The following KLHL13 variants were observed in gnomAD, a reference collection of about 807,000 sequenced individuals.
KLHL13 encodes kelch-like protein 13.
In KLHL13, 10 loss-of-function variants were observed where a neutral mutation model predicts 37.1. That is an observed-to-expected ratio of 0.27 (90% confidence interval 0.17 to 0.46). KLHL13 has a LOEUF of 0.46. Among genes scored for constraint, KLHL13 ranks in the 20% least tolerant of loss-of-function variants. The pLI, the probability that KLHL13 is intolerant of heterozygous loss-of-function variation, is 1.00. For synonymous variants in KLHL13, 163 were observed against 181.2 expected, an observed-to-expected ratio of 0.90 and a Z score of 0.81; for missense variants, 360 against 509.3, an observed-to-expected ratio of 0.71 and a Z score of 2.82.
chrX:118,033,201 A>G, intron 1 of KLHL13, among the ~76,000 whole-genome samples: 1 of 111,426 alleles, frequency 9.0e-6, no homozygotes, highest in East Asian at 2.8e-4. Flanking sequence ...TCCCCAATCT[A>G]GCAAGGCAGG....
intron 1 of KLHL13, among the ~76,000 whole-genome samples, chrX:118,031,852 G>A (rs1471844429): frequency 9.2e-6 from 1 of 108,361 alleles, no homozygotes; most frequent in Non-Finnish European, 1.9e-5. Context: ...ACTAGGGAGT[G>A]CCAGTCAGTG....
chrX:118,026,857 C>T (rs1407701701), intron 1 of KLHL13, among the ~76,000 whole-genome samples: 1 of 111,753 alleles, frequency 8.9e-6, no homozygotes, highest in African/African-American at 3.2e-5. Context: ...CATAGATCAG[C>T]TGCAGACAAG....
chrX:118,029,042 AG>A (rs1397843011), intron 1 of KLHL13, among the ~76,000 whole-genome samples: 2 of 111,420 alleles, frequency 1.8e-5, no homozygotes, highest in Non-Finnish European at 3.8e-5. Flanking sequence ...TAGTATATAT[AG>A]GGTTCGGTAC....
intron 1 of KLHL13, among the ~76,000 whole-genome samples, chrX:118,014,388 T>C (rs2054103292): frequency 8.9e-6 from 1 of 111,928 alleles, no homozygotes. Flanking sequence ...TTACTAGGAT[T>C]GGGAAATTCC....
intron 1 of KLHL13, among the ~76,000 whole-genome samples, chrX:118,019,587 T>C (rs1840424856): frequency 9.0e-6 from 1 of 111,475 alleles, no homozygotes; most frequent in African/African-American, 3.3e-5. Flanking sequence ...TTCTGAATGG[T>C]ATTGCCTAGG....
chrX:118,076,967 C>T (rs1163650929), intron 1 of KLHL13, among the ~76,000 whole-genome samples: 5 of 108,533 alleles, frequency 4.6e-5, no homozygotes, highest in Non-Finnish European at 9.6e-5. Context: ...AGATAATCTC[C>T]TAATGGTTCC....
chrX:118,107,332 C>T (rs754128807), intron 1 of KLHL13, among the ~76,000 whole-genome samples: 5 of 111,352 alleles, frequency 4.5e-5, no homozygotes, highest in Admixed American at 9.6e-5. Flanking sequence ...TTCTTGTCTG[C>T]CAGAAAACTA....
At chrX:118,113,757 T>C (rs2055437950) in intron 1 of KLHL13, among the ~76,000 whole-genome samples, 1 of 112,156 alleles carries the variant, frequency 8.9e-6, no homozygotes, top group Non-Finnish European at 1.9e-5. Context: ...CTACAGTCTA[T>C]AAGGATCTTC....
rs150185964 is a variant in KLHL13 at position 117,965,558 on chromosome X, G to A, written c.98+7173C>T. 2.0e-3 allele frequency among the ~76,000 whole-genome samples: 218 copies of A among 111,295 alleles called. 1 individual carries two copies. The highest frequency in any genetic ancestry group is 6.8e-3 in the African/African-American group (209 of 30,542). ...AATCCTCCCTAACTCATTTGATGAG[G>A]CCAGCATCATCCTGATACCAAAGTC... is the stretch of plus-strand genomic sequence containing the variant. On this transcript the variant is annotated intron_variant, in intron 1 of 6. Transcript: ENST00000262820.
chrX:118,071,951 A>G (rs111327463), intron 1 of KLHL13, among the ~76,000 whole-genome samples: 3 of 110,687 alleles, frequency 2.7e-5, no homozygotes, highest in Non-Finnish European at 3.8e-5. Context: ...GCTACCAATG[A>G]CTTTCTTCAC....
intron 1 of KLHL13, among the ~76,000 whole-genome samples, chrX:118,023,666 T>C (rs1476649493): frequency 9.0e-6 from 1 of 111,579 alleles, no homozygotes; most frequent in Non-Finnish European, 1.9e-5. Flanking sequence ...CCTCCCAGGT[T>C]CAGGCGATTC....
At chrX:117,962,831 G>C (rs907594577) in intron 1 of KLHL13, among the ~76,000 whole-genome samples, 1 of 111,991 alleles carries the variant, frequency 8.9e-6, no homozygotes, top group Non-Finnish European at 1.9e-5. Flanking sequence ...GGCTCAACTT[G>C]TAATTTGATG....
intron 2 of KLHL13, among the ~76,000 whole-genome samples, chrX:117,924,500 C>A (rs1397191330): frequency 8.9e-6 from 1 of 112,206 alleles, no homozygotes; most frequent in Non-Finnish European, 1.9e-5. Flanking sequence ...TTTTCTTTCA[C>A]CAAACTTGTA....
intron 1 of KLHL13, among the ~76,000 whole-genome samples, chrX:118,115,339 C>CCTCA (rs2055456364): frequency 8.9e-6 from 1 of 112,600 alleles, no homozygotes; most frequent in Admixed American, 9.4e-5. Context: ...AGCAAATGAA[C>CCTCA]CTCAGTATGG....
chrX:117,947,516 T>A (rs1412218859), intron 1 of KLHL13: 1 of 112,239 alleles, frequency 8.9e-6, no homozygotes, highest in Non-Finnish European at 1.9e-5. Context: ...AATTGCTTTT[T>A]TGAGTAAACT....
At chrX:118,016,678 T>C (rs1426322003) in intron 1 of KLHL13, among the ~76,000 whole-genome samples, 1 of 111,610 alleles carries the variant, frequency 9.0e-6, no homozygotes, top group African/African-American at 3.2e-5. Flanking sequence ...CCAAACATGA[T>C]AAAATTCATT....
chrX:118,025,414 C>T (rs1463066058), intron 1 of KLHL13, among the ~76,000 whole-genome samples: 2 of 111,628 alleles, frequency 1.8e-5, no homozygotes, highest in East Asian at 2.8e-4. Context: ...CCACCCACGA[C>T]GGGAATTATC....
intron 1 of KLHL13, among the ~76,000 whole-genome samples, chrX:118,093,467 C>T (rs934965261): frequency 1.8e-5 from 2 of 111,457 alleles, no homozygotes; most frequent in Non-Finnish European, 3.8e-5. Context: ...GGTTTAGAGT[C>T]CACAGTCTTA....
intron 2 of KLHL13, among the ~76,000 whole-genome samples, chrX:117,933,072 T>TC (rs1932544840): frequency 9.0e-6 from 1 of 111,112 alleles, no homozygotes; most frequent in Non-Finnish European, 1.9e-5. Context: ...ATAATTTATT[T>TC]TTTTTTTTGC....
Sources: gnomAD v4.1 joint callset for allele counts (sites outside exome capture counted in the v4.1 genomes callset) on GRCh38, gnomAD v4.1.1 for gene constraint, MANE v1.5 for transcripts, NCBI Gene and HGNC (gene_info 2026-07-23, HGNC 2026-07-21) for gene names.